Variants in SPSB4 observed in about 807,000 individuals in gnomAD.
SPSB4 encodes SPRY domain-containing SOCS box protein 4.
SPSB4 carries 21 observed loss-of-function variants against 20.9 expected under a neutral mutation model. The observed-to-expected ratio is 1.01, with a 90% CI of 0.71 to 1.45. The LOEUF (loss-of-function observed/expected upper bound fraction) is 1.45. Among genes scored for constraint, SPSB4 ranks in the 40% most tolerant of loss-of-function variants. The pLI is 0.00. For synonymous variants in SPSB4, 207 were observed against 183.8 expected (o/e 1.13, Z -1.02); for missense variants, 399 against 399.2 (o/e 1.00, Z 0.00).
At chr3:141,074,593 T>C (rs1190435977) in intron 2 of SPSB4, among the ~76,000 whole-genome samples, 1 of 152,196 alleles carries the variant, frequency 6.6e-6, no homozygotes, top group Non-Finnish European at 1.5e-5. Flanking sequence ...TGGGAGTGTT[T>C]AGCCTTCCCT....
chr3:141,097,446 C>T (rs1355911063), intron 2 of SPSB4, among the ~76,000 whole-genome samples: 4 of 152,134 alleles, frequency 2.6e-5, no homozygotes, highest in African/African-American at 7.2e-5. Context: ...TTTTTTGAGA[C>T]AGGGTTTACC....
At chr3:141,132,315 G>GCACC (rs1232212337) in intron 2 of SPSB4, 1 of 316,400 alleles carries the variant, frequency 3.2e-6, no homozygotes, top group Non-Finnish European at 6.1e-6. Context: ...CTACAGGTGA[G>GCACC]CACCACCATG....
chr3:141,062,552 C>T (rs61201233), intron 1 of SPSB4, among the ~76,000 whole-genome samples: 5,942 of 152,116 alleles, frequency 0.039, 321 homozygotes, highest in African/African-American at 0.12. Context: ...TGTAGAGGCA[C>T]CCCGCAGGTT....
chr3:141,090,590 C>A (rs980870549), intron 2 of SPSB4, among the ~76,000 whole-genome samples: 1 of 152,090 alleles, frequency 6.6e-6, no homozygotes, highest in African/African-American at 2.4e-5. Context: ...TGTACAAAGG[C>A]TCTGTGGTAC....
At chr3:141,131,478 C>T (rs958294913) in intron 2 of SPSB4, among the ~76,000 whole-genome samples, 3 of 151,676 alleles carry the variant, frequency 2.0e-5, no homozygotes, top group Non-Finnish European at 4.4e-5. Context: ...AAATTCCAGC[C>T]CCCCCTTCCC....
rs1939449229 is a variant in SPSB4 at position 141,148,216 on chromosome 3, G to T, written c.*947G>T. 6.5e-6 allele frequency: 1 copy of T among 152,730 alleles called. No individual in the cohort carries two copies. The highest frequency in any genetic ancestry group is 2.4e-5 in the African/African-American group (1 of 41,432). The allele number at this position is 152,730 out of a possible 1,614,324, so 9.5% of individuals were successfully genotyped here. ...GCATGGCTGTCACAAAGCTTTATTT[G>T]AGCAAATTATTTTTTCACTTTAGGA... On this transcript the variant is annotated 3_prime_UTR_variant, in exon 3 of 3. Coordinates refer to ENST00000310546, the MANE Select transcript of SPSB4 (RefSeq NM_080862.3). The surrounding 1 kb of genome is among the most constrained non-coding windows in gnomAD (Gnocchi z 4.5).
At chr3:141,107,705 C>T (rs1202768048) in intron 2 of SPSB4, among the ~76,000 whole-genome samples, 3 of 152,144 alleles carry the variant, frequency 2.0e-5, no homozygotes, top group African/African-American at 7.2e-5. Context: ...GCCTGTAATC[C>T]CAGCACTTTG....
chr3:141,141,479 C>A (rs1332203293), intron 2 of SPSB4, among the ~76,000 whole-genome samples: 1 of 152,208 alleles, frequency 6.6e-6, no homozygotes, highest in African/African-American at 2.4e-5. Context: ...GCTCCACCCC[C>A]CCAGTTTTTC....
At chr3:141,064,444 G>A in intron 1 of SPSB4, among the ~76,000 whole-genome samples, 1 of 152,190 alleles carries the variant, frequency 6.6e-6, no homozygotes, top group East Asian at 1.9e-4. Context: ...TTGAACATTA[G>A]CCAGAGCTCT....
intron 2 of SPSB4, among the ~76,000 whole-genome samples, chr3:141,111,354 CTTT>C (rs34223433): frequency 3.2e-5 from 2 of 61,802 alleles, no homozygotes; most frequent in Non-Finnish European, 5.5e-5. Context: ...CTGGAACTTG[CTTT>C]TTTTTTTTTT....
intron 2 of SPSB4, among the ~76,000 whole-genome samples, chr3:141,089,176 A>G (rs920193420): frequency 6.6e-6 from 1 of 152,154 alleles, no homozygotes; most frequent in African/African-American, 2.4e-5. Flanking sequence ...ACTGGTCCTT[A>G]AGGAAGGGGT....
At chr3:141,094,675 G>A (rs536875415) in intron 2 of SPSB4, among the ~76,000 whole-genome samples, 3 of 152,160 alleles carry the variant, frequency 2.0e-5, no homozygotes, top group African/African-American at 7.2e-5. Flanking sequence ...TGGAAACCAC[G>A]TTATTGCACC....
chr3:141,114,263 G>T lies in SPSB4; in HGVS notation c.695-32879G>T, dbSNP rs1157057851. On this transcript the variant is annotated intron_variant, in intron 2 of 2. Transcript: ENST00000310546. ...AATCGCCCTGAGCATGGCCCTGGGG[G>T]AGCACCCTTCATTCCCCATGACCCC... Among the ~76,000 whole-genome samples the T allele has an allele frequency of 2.6e-5, 4 of 152,266 alleles. No homozygotes were observed. In the East Asian group the frequency reaches 7.7e-4, roughly 29 times the overall value.
At chr3:141,066,902 T>C (rs750852726) in intron 2 of SPSB4, 104 bp downstream of exon 2, 73 of 1,196,660 alleles carry the variant, frequency 6.1e-5, no homozygotes, top group Non-Finnish European at 7.9e-5. Context: ...TCCTGCAATG[T>C]GGAGGAATGG....
At chr3:141,124,819 A>G (rs1033890407) in intron 2 of SPSB4, among the ~76,000 whole-genome samples, 1 of 152,162 alleles carries the variant, frequency 6.6e-6, no homozygotes, top group Non-Finnish European at 1.5e-5. Flanking sequence ...GAGGCCACAG[A>G]CAGGGCATGT....
chr3:141,101,060 C>A (rs774376511), intron 2 of SPSB4, among the ~76,000 whole-genome samples: 5 of 152,286 alleles, frequency 3.3e-5, no homozygotes, highest in Non-Finnish European at 5.9e-5. Context: ...ACCTGCAGCT[C>A]TGTGAGTATG....
chr3:141,135,285 GTAATT>G (rs1939207574), intron 2 of SPSB4, among the ~76,000 whole-genome samples: 1 of 151,450 alleles, frequency 6.6e-6, no homozygotes, highest in Non-Finnish European at 1.5e-5. Flanking sequence ...TTAATATACC[GTAATT>G]TATTTATCTA....
intron 2 of SPSB4, among the ~76,000 whole-genome samples, chr3:141,102,404 A>C (rs1938625999): frequency 6.6e-6 from 1 of 152,186 alleles, no homozygotes; most frequent in Admixed American, 6.5e-5. Flanking sequence ...CATGTCGGGA[A>C]GGTAGATGGT....
rs148265710 is a variant in SPSB4 at position 141,086,078 on chromosome 3, C to T, written c.694+19280C>T. On this transcript the variant is annotated intron_variant, in intron 2 of 2. Coordinates refer to ENST00000310546, the MANE Select transcript of SPSB4 (RefSeq NM_080862.3). The stretch of plus-strand genomic sequence containing the variant: ...TCACTAATGTAGCTGCAGCCTCATC[C>T]CCTGGTGAGAGGTTTTCCAAAATGC... Among the ~76,000 whole-genome samples, 3 of 152,288 alleles carry T rather than the reference C, an allele frequency of 2.0e-5. No individual in the cohort carries two copies. The East Asian group carries it at 5.8e-4, about 29-fold the overall frequency.
Sources: gnomAD v4.1 joint callset for allele counts (sites outside exome capture counted in the v4.1 genomes callset) on GRCh38, gnomAD v4.1.1 for gene constraint, Gnocchi (gnomAD v3.1) non-coding constraint, MANE v1.5 for transcripts, NCBI Gene and HGNC (gene_info 2026-07-23, HGNC 2026-07-21) for gene names.